The following EMSY variants were observed in gnomAD, a reference collection of about 807,000 sequenced individuals.
EMSY encodes EMSY transcriptional repressor, BRCA2 interacting.
In EMSY, 26 loss-of-function variants were observed where a neutral mutation model predicts 134.6. The observed-to-expected ratio is 0.19, with a 90% CI of 0.14 to 0.27. The LOEUF (loss-of-function observed/expected upper bound fraction) is 0.27, where lower values mean the gene tolerates loss of function less well. Ranked by LOEUF, EMSY falls within the 10% of genes least tolerant of loss-of-function variation. The probability of loss-of-function intolerance (pLI) is 1.00; values close to 1 mark genes in which losing one functional copy is unlikely to be tolerated. For missense variants in EMSY, 1,305 were observed against 1,611.4 expected (o/e 0.81, Z 3.26); for synonymous variants, 579 against 577.8 (o/e 1.00, Z -0.03).
intron 18 of EMSY, among the ~76,000 whole-genome samples, chr11:76,543,015 T>C (rs561896219): frequency 6.6e-6 from 1 of 152,340 alleles, no homozygotes; most frequent in African/African-American, 2.4e-5. Flanking sequence ...CATACTATGA[T>C]CTTGCAAGGT....
At chr11:76,536,807 G>A (rs1228185074) in intron 15 of EMSY, among the ~76,000 whole-genome samples, 2 of 152,184 alleles carry the variant, frequency 1.3e-5, no homozygotes, top group African/African-American at 4.8e-5. Flanking sequence ...CAGTTGATTA[G>A]TGGCAGAGTG....
intron 8 of EMSY, among the ~76,000 whole-genome samples, chr11:76,478,659 A>G (rs189344452): frequency 6.6e-6 from 1 of 151,912 alleles, no homozygotes; most frequent in Admixed American, 6.6e-5. Context: ...TATTTTTTAC[A>G]TATTTGGAAT....
intron 1 of EMSY, 96 bp from the exon 2 acceptor site, chr11:76,446,804 T>C: frequency 1.4e-6 from 1 of 694,364 alleles, no homozygotes; most frequent in Non-Finnish European, 2.4e-6. Context: ...ATCTTTTTGG[T>C]TTACTTCTTA....
rs139779439 is a variant in EMSY, at chr11:76,474,921, G to A, written c.1108+2081G>A. 3.3e-5 allele frequency among the ~76,000 whole-genome samples: 5 copies of A among 152,060 alleles called. No individual in the cohort carries two copies. The South Asian group carries it at 6.2e-4, about 19-fold the overall frequency. The stretch of plus-strand genomic sequence containing the variant: ...TGGGACCTCAGGTGTGTGCCACCAC[G>A]CCTGGCTAATTTTTGTATTTCTAAT... On this transcript the variant is annotated intron_variant, in intron 8 of 20. Transcript: ENST00000334736.
intron 2 of EMSY, among the ~76,000 whole-genome samples, chr11:76,447,474 G>A (rs952562937): frequency 6.6e-6 from 1 of 152,184 alleles, no homozygotes; most frequent in East Asian, 1.9e-4. Context: ...ATGATTGTAT[G>A]TGTCAATTAC....
At chr11:76,516,853 G>A (rs1226482015) in intron 11 of EMSY, 1 of 152,002 alleles carries the variant, frequency 6.6e-6, no homozygotes, top group Non-Finnish European at 1.5e-5. Flanking sequence ...TTTGCCTTTT[G>A]CCATTTATAT....
At chr11:76,494,642 T>C (rs544655588) in intron 8 of EMSY, among the ~76,000 whole-genome samples, 7 of 146,114 alleles carry the variant, frequency 4.8e-5, no homozygotes, top group Non-Finnish European at 7.6e-5. Context: ...TTCCTCTCCT[T>C]TCCTTTCCCT....
chr11:76,458,367 A>T lies in EMSY; in HGVS notation c.421+9A>T. On this transcript the variant is annotated intron_variant, in intron 5 of 20. Coordinates refer to ENST00000334736, the Ensembl canonical transcript of EMSY. ...AACAGGAAGCAAGGAAGGTGAGTAG[A>T]AAAATATGCCTGTGTTAGAGATTAC... 1 of 1,592,862 alleles carries T rather than the reference A, an allele frequency of 6.3e-7. No individual in the cohort carries two copies. Among genetic ancestry groups the T allele is most frequent in the Non-Finnish European group, 8.6e-7 (1 of 1,169,310 alleles).
intron 8 of EMSY, among the ~76,000 whole-genome samples, chr11:76,476,122 G>A (rs1948761932): frequency 6.6e-6 from 1 of 152,172 alleles, no homozygotes; most frequent in African/African-American, 2.4e-5. Context: ...CCTGTTCAAT[G>A]CATTTCCATA....
chr11:76,525,629 A>T (rs1565347424), intron 12 of EMSY, among the ~76,000 whole-genome samples: 1 of 152,178 alleles, frequency 6.6e-6, no homozygotes. Context: ...TGATTTCATG[A>T]GTGACCAGAA....
Position 76,535,826 on chromosome 11 carries a change from G to A in EMSY, c.2195-69G>A. 4 of 1,099,578 alleles carry A rather than the reference G, an allele frequency of 3.6e-6. No homozygotes were observed. In the South Asian group the frequency reaches 8.6e-5, roughly 24 times the overall value. 68.1% of individuals were successfully genotyped at this position (1,099,578 alleles called of 1,614,324 possible). A position where few individuals can be genotyped will look rare whatever the true frequency, so the allele number is the denominator to read the frequency against. On this transcript the variant is annotated intron_variant, in intron 14 of 20. Coordinates refer to ENST00000334736, the Ensembl canonical transcript of EMSY. Reference sequence around the variant, plus strand: ...AGATAAGCAAACAGACAAAAAAATTGTTTGTTTTTTTTTTTTTAAGAGAAA... The same window carrying A: ...AGATAAGCAAACAGACAAAAAAATTATTTGTTTTTTTTTTTTTAAGAGAAA...
At chr11:76,486,785 A>G (rs1437029031) in intron 8 of EMSY, among the ~76,000 whole-genome samples, 1 of 152,212 alleles carries the variant, frequency 6.6e-6, no homozygotes, top group East Asian at 1.9e-4. Context: ...AATAGCCAAA[A>G]TGGTTCTGAA....
chr11:76,539,719 G>T (rs1007952183), intron 17 of EMSY, 79 bp downstream of exon 18: 18 of 1,333,842 alleles, frequency 1.3e-5, no homozygotes, highest in East Asian at 6.9e-5. Flanking sequence ...AAATGGATGC[G>T]CTCTACTCTC....
chr11:76,471,092 C>T (rs948097845), intron 7 of EMSY, among the ~76,000 whole-genome samples: 5 of 152,168 alleles, frequency 3.3e-5, no homozygotes, highest in Non-Finnish European at 7.4e-5. Flanking sequence ...TCTTCCACCA[C>T]AAATACCTTG....
chr11:76,537,756 G>A, intron 15 of EMSY, 39 bp from the exon 17 acceptor site: 2 of 1,540,248 alleles, frequency 1.3e-6, no homozygotes, highest in East Asian at 4.6e-5. Context: ...GTACTTGTTT[G>A]TAATAAAAGT....
chr11:76,521,155 T>G (rs1427105400), intron 11 of EMSY, among the ~76,000 whole-genome samples: 1 of 152,182 alleles, frequency 6.6e-6, no homozygotes, highest in Non-Finnish European at 1.5e-5. Flanking sequence ...CGGGAAGCCA[T>G]AATGAAGAAG....
chr11:76,463,922 G>A (rs200550317), exon 7 of EMSY: 11 of 1,614,082 alleles, frequency 6.8e-6, no homozygotes, highest in South Asian at 1.1e-5. Flanking sequence ...AAAGGCCGTT[G>A]TTCCAGTCTC....
intron 9 of EMSY, among the ~76,000 whole-genome samples, chr11:76,499,208 A>T (rs1949761846): frequency 7.3e-6 from 1 of 137,280 alleles, no homozygotes. Context: ...TGATCCGCCC[A>T]CCTCAGCCTT....
Position 76,544,869 on chromosome 11 carries a change from G to GAAAAAAA in EMSY, c.3273+50_3273+56dup. Reference sequence around the variant, plus strand: ...GCAAAGTTAAACTTCTCTGTTCACGGAAAAAAAAATGAGAACATCACGACC... The same window carrying GAAAAAAA: ...GCAAAGTTAAACTTCTCTGTTCACGGAAAAAAAAAAAAAAAATGAGAACATCACGACC... On this transcript the variant is annotated intron_variant, in intron 19 of 20. Coordinates refer to ENST00000334736, the Ensembl canonical transcript of EMSY. 6 of 1,533,460 alleles carry GAAAAAAA rather than the reference G, an allele frequency of 3.9e-6. No individual in the cohort carries two copies. In the Admixed American group the frequency reaches 9.5e-5, roughly 24 times the overall value. 95.0% of individuals were successfully genotyped at this position (1,533,460 alleles called of 1,614,324 possible). A position where few individuals can be genotyped will look rare whatever the true frequency, so the allele number is the denominator to read the frequency against.
Sources: allele counts gnomAD v4.1 joint callset (sites outside exome capture counted in the v4.1 genomes callset), GRCh38; gene constraint gnomAD v4.1.1; transcripts MANE v1.5; gene names NCBI Gene and HGNC (gene_info 2026-07-23, HGNC 2026-07-21).